DNAAF11: variants seen among roughly 807,000 people sequenced by gnomAD.
The protein encoded by DNAAF11 is dynein axonemal assembly factor 11, also known as leucine rich repeat containing 6.
In DNAAF11, 45 loss-of-function variants were observed where a neutral mutation model predicts 60.8. The ratio of observed to expected loss-of-function variants is 0.74; its 90% CI spans 0.58 to 0.95. The LOEUF (loss-of-function observed/expected upper bound fraction) is 0.95, where lower values mean the gene tolerates loss of function less well. Ranked by LOEUF, DNAAF11 falls within the 40% of genes least tolerant of loss-of-function variation. The pLI is 0.00. For synonymous variants in DNAAF11, 191 were observed against 183.5 expected (o/e 1.04, Z -0.33); for missense variants, 546 against 546.2 (o/e 1.00, Z 0.00).
chr8:132,694,672 T>C, the DNAAF11 span, among the ~76,000 whole-genome samples: 2 of 152,174 alleles, frequency 1.3e-5, no homozygotes, highest in Non-Finnish European at 2.9e-5. Flanking sequence ...AGGGACAGAT[T>C]TGGAGGAAGT....
chr8:132,689,260 G>A, the DNAAF11 span, among the ~76,000 whole-genome samples: 27 of 152,130 alleles, frequency 1.8e-4, no homozygotes, highest in Non-Finnish European at 3.4e-4. Context: ...CTATTGACGG[G>A]TTTTAGAAGC....
At chr8:132,590,342 T>C (rs1816335690) in intron 10 of DNAAF11, among the ~76,000 whole-genome samples, 1 of 152,218 alleles carries the variant, frequency 6.6e-6, no homozygotes, top group South Asian at 2.1e-4. Flanking sequence ...TTTTGGTTTC[T>C]TTCAGGTGAC....
chr8:132,635,996 G>A (rs560466471), intron 4 of DNAAF11, among the ~76,000 whole-genome samples: 57 of 151,974 alleles, frequency 3.8e-4, no homozygotes, highest in African/African-American at 1.3e-3. Context: ...AACCAGTCCC[G>A]TCAACATCTT....
chr8:132,583,470 T>C lies in DNAAF11; in HGVS notation c.1226+224A>G, dbSNP rs149290655. On this transcript the variant is annotated intron_variant, in intron 11 of 11. Transcript: ENST00000620350. ...GGTGTTGACATTACCAGTCGTTATA[T>C]TATGACGAGACATTGGGACCTGTAT... 4.9e-4 allele frequency among the ~76,000 whole-genome samples: 74 copies of C among 152,310 alleles called. No homozygotes were observed. In the East Asian group the frequency reaches 0.01, roughly 21 times the overall value.
intron 4 of DNAAF11, among the ~76,000 whole-genome samples, chr8:132,634,779 T>A (rs1821129044): frequency 6.7e-6 from 1 of 148,490 alleles, no homozygotes; most frequent in Non-Finnish European, 1.5e-5. Flanking sequence ...TTATATAGTA[T>A]AATTTATATA....
chr8:132,653,441 T>C (rs1319884616), intron 3 of DNAAF11, among the ~76,000 whole-genome samples: 1 of 152,106 alleles, frequency 6.6e-6, no homozygotes, highest in African/African-American at 2.4e-5. Context: ...CTCAAATGCA[T>C]TTGATAAAAT....
At chr8:132,579,229 G>A (rs1320385753) in intron 11 of DNAAF11, among the ~76,000 whole-genome samples, 1 of 152,322 alleles carries the variant, frequency 6.6e-6, no homozygotes. Context: ...GCAGTGGAGT[G>A]TGAAGCAAGT....
At chr8:132,680,587 T>C (rs116942733), upstream of DNAAF11, among the ~76,000 whole-genome samples, 2,824 of 152,294 alleles carry the variant, frequency 0.019, 75 homozygotes, top group African/African-American at 0.058. Context: ...CAGAAAAGTT[T>C]CTACATTGCA....
intron 7 of DNAAF11, among the ~76,000 whole-genome samples, chr8:132,615,685 A>G (rs1819077662): frequency 6.6e-6 from 1 of 152,130 alleles, no homozygotes; most frequent in African/African-American, 2.4e-5. Flanking sequence ...ATGCCTTTAC[A>G]CTTTCTCTGC....
In DNAAF11 at chr8:132,570,451, T is replaced by C. The variant is rs2130916365; in HGVS notation, c.*1855A>G. ...TTGTTTGTTTAATGGATAATTCTAT[T>C]AGTTTGGTCAAAAGTATAATTTTGC... On this transcript the variant is annotated 3_prime_UTR_variant, in exon 12 of 12. Coordinates refer to ENST00000620350, the MANE Select transcript of DNAAF11 (RefSeq NM_012472.6). Among the ~76,000 whole-genome samples, 1 of 152,332 alleles carries C rather than the reference T, an allele frequency of 6.6e-6. No individual in the cohort carries two copies. The highest frequency in any genetic ancestry group is 6.5e-5 in the Admixed American group (1 of 15,310).
At chr8:132,683,427 C>T in the DNAAF11 span, among the ~76,000 whole-genome samples, 41 of 152,316 alleles carry the variant, frequency 2.7e-4, no homozygotes, top group East Asian at 9.7e-4. Context: ...GTGACCAGAA[C>T]GACCCAGCCA....
chr8:132,600,337 G>A (rs1209920867), intron 10 of DNAAF11, among the ~76,000 whole-genome samples: 3 of 152,080 alleles, frequency 2.0e-5, no homozygotes, highest in Non-Finnish European at 2.9e-5. Context: ...TGTAAAAATG[G>A]CCATACTGCC....
intron 11 of DNAAF11, among the ~76,000 whole-genome samples, chr8:132,573,995 G>A (rs555617197): frequency 2.6e-5 from 4 of 152,282 alleles, no homozygotes; most frequent in South Asian, 2.1e-4. Context: ...GTGGGAATCC[G>A]AAGATGCCCT....
chr8:132,648,176 T>A (rs2130687425), intron 3 of DNAAF11, among the ~76,000 whole-genome samples: 1 of 152,332 alleles, frequency 6.6e-6, no homozygotes, highest in Admixed American at 6.5e-5. Flanking sequence ...CAAGTGGGCT[T>A]CATCCCTGGG....
chr8:132,692,753 C>T, the DNAAF11 span, among the ~76,000 whole-genome samples: 3 of 152,292 alleles, frequency 2.0e-5, no homozygotes, highest in East Asian at 1.9e-4. Context: ...CAGGTCCATT[C>T]GCAACCTCCA....
chr8:132,652,913 G>A (rs1032565173), intron 3 of DNAAF11, among the ~76,000 whole-genome samples: 6 of 151,814 alleles, frequency 4.0e-5, no homozygotes, highest in East Asian at 3.9e-4. Context: ...CATGTTCTGC[G>A]CATGTACCCA....
intron 10 of DNAAF11, among the ~76,000 whole-genome samples, chr8:132,601,856 G>A (rs537651032): frequency 6.6e-6 from 1 of 152,182 alleles, no homozygotes; most frequent in East Asian, 1.9e-4. Flanking sequence ...CACCAACATG[G>A]TGCATATATA....
rs1037481773 is a variant in DNAAF11 at position 132,581,591 on chromosome 8, A to C, written c.1226+2103T>G. On this transcript the variant is annotated intron_variant, in intron 11 of 11. Transcript: ENST00000620350. ...CTTGAATCCAGGAGGCAGAGGTTGC[A>C]GTGACCCGAGATCCTGCCACTGCAC... is the stretch of plus-strand genomic sequence containing the variant. 3.3e-5 allele frequency among the ~76,000 whole-genome samples: 5 copies of C among 149,704 alleles called. No homozygotes were observed. In the South Asian group the frequency reaches 1.1e-3, roughly 32 times the overall value.
chr8:132,642,670 C>T lies in DNAAF11; in HGVS notation c.257-4563G>A, dbSNP rs143047373. On this transcript the variant is annotated intron_variant, in intron 3 of 11. Coordinates refer to ENST00000620350, the MANE Select transcript of DNAAF11 (RefSeq NM_012472.6). ...AAATCTGCTTCTGTGGAAAGAAACA[C>T]GCCCAGAAGCAGCTCCAGATGGTAA... Among the ~76,000 whole-genome samples, 343 of 152,348 alleles carry T rather than the reference C, an allele frequency of 2.3e-3. 2 individuals carry two copies. The highest frequency in any genetic ancestry group is 0.011 in the South Asian group (52 of 4,830).
Sources: allele counts gnomAD v4.1 joint callset (sites outside exome capture counted in the v4.1 genomes callset), GRCh38; gene constraint gnomAD v4.1.1; transcripts MANE v1.5; gene names NCBI Gene and HGNC (gene_info 2026-07-23, HGNC 2026-07-21).